SETBP1: variants seen among roughly 807,000 people sequenced by gnomAD.
The protein encoded by SETBP1 is SET-binding protein.
Under a neutral mutation model 101.0 loss-of-function variants are expected in SETBP1, and 9 were observed. The ratio of observed to expected loss-of-function variants is 0.09; its 90% CI spans 0.05 to 0.16. The LOEUF (loss-of-function observed/expected upper bound fraction) is 0.16, where lower values mean the gene tolerates loss of function less well. Ranked by LOEUF, SETBP1 falls within the 10% of genes least tolerant of loss-of-function variation. SETBP1 has a pLI of 1.00. For missense variants in SETBP1, 1,858 were observed against 2,033.8 expected (o/e 0.91, Z 1.66); for synonymous variants, 818 against 788.5 (o/e 1.04, Z -0.63).
chr18:45,029,598 T>C (rs924833285), intron 4 of SETBP1, among the ~76,000 whole-genome samples: 5 of 152,202 alleles, frequency 3.3e-5, no homozygotes, highest in African/African-American at 9.7e-5. Context: ...TAAATTACCT[T>C]GGGCAGTATG....
chr18:44,928,609 A>G (rs2144975284), intron 3 of SETBP1, among the ~76,000 whole-genome samples: 1 of 152,290 alleles, frequency 6.6e-6, no homozygotes, highest in East Asian at 1.9e-4. Context: ...CTGACTTTTT[A>G]ATGATTGCCA....
At chr18:44,937,465 A>G (rs1435702827) in intron 3 of SETBP1, among the ~76,000 whole-genome samples, 1 of 151,520 alleles carries the variant, frequency 6.6e-6, no homozygotes. Context: ...AAAAAAAAAA[A>G]AAAAAAAAAA....
intron 2 of SETBP1, among the ~76,000 whole-genome samples, chr18:44,714,120 G>A (rs909305718): frequency 1.3e-5 from 2 of 152,194 alleles, no homozygotes; most frequent in Admixed American, 6.5e-5. Flanking sequence ...TAAGCTCCCT[G>A]AGGACAGGAA....
At chr18:44,925,012 T>C (rs1816830) in intron 3 of SETBP1, among the ~76,000 whole-genome samples, 3 of 66,676 alleles carry the variant, frequency 4.5e-5, no homozygotes, top group East Asian at 5.9e-4. Flanking sequence ...TGTGAGTTTT[T>C]TTTTTTTTTT....
At chr18:44,822,793 A>G (rs2072140994) in intron 2 of SETBP1, among the ~76,000 whole-genome samples, 4 of 152,184 alleles carry the variant, frequency 2.6e-5, no homozygotes, top group Admixed American at 2.6e-4. Context: ...TCACCTCCCC[A>G]CTAGTACACA....
intron 4 of SETBP1, among the ~76,000 whole-genome samples, chr18:44,966,360 G>A (rs778617407): frequency 3.3e-5 from 5 of 152,078 alleles, no homozygotes; most frequent in East Asian, 1.9e-4. Context: ...ATCACCACAC[G>A]GCTTCTTCAT....
chr18:44,988,934 C>A (rs1002987283), intron 4 of SETBP1: 1 of 152,090 alleles, frequency 6.6e-6, no homozygotes, highest in African/African-American at 2.4e-5. Context: ...GTTTAAAATT[C>A]TCCTGGTTTG....
At chr18:44,773,175 A>G (rs1158522627) in intron 2 of SETBP1, among the ~76,000 whole-genome samples, 1 of 152,250 alleles carries the variant, frequency 6.6e-6, no homozygotes, top group African/African-American at 2.4e-5. Context: ...ATAAATGTAT[A>G]GACAGTCCAT....
intron 2 of SETBP1, among the ~76,000 whole-genome samples, chr18:44,724,655 G>A (rs2144356824): frequency 6.6e-6 from 1 of 152,300 alleles, no homozygotes; most frequent in East Asian, 1.9e-4. Flanking sequence ...GGAGTGGAGT[G>A]TCTGGGCTGG....
At chr18:44,701,915 A>G (rs1407882654) in intron 2 of SETBP1, 83 bp downstream of exon 2, 3 of 1,472,066 alleles carry the variant, frequency 2.0e-6, no homozygotes, top group Admixed American at 3.9e-5. Context: ...GTCTATTTAT[A>G]TATTATATTT....
chr18:44,851,095 C>T (rs373033367), intron 2 of SETBP1, among the ~76,000 whole-genome samples: 9 of 152,220 alleles, frequency 5.9e-5, no homozygotes, highest in African/African-American at 1.4e-4. Flanking sequence ...GCTGATGAAG[C>T]GGGGCACATA....
chr18:44,832,728 C>A (rs1262346198), intron 2 of SETBP1, among the ~76,000 whole-genome samples: 1 of 152,170 alleles, frequency 6.6e-6, no homozygotes, highest in Non-Finnish European at 1.5e-5. Flanking sequence ...CCTGGCTGGG[C>A]AGCACTGTTC....
At chr18:44,790,399 A>C (rs2071345758) in intron 2 of SETBP1, among the ~76,000 whole-genome samples, 1 of 152,238 alleles carries the variant, frequency 6.6e-6, no homozygotes, top group Admixed American at 6.5e-5. Flanking sequence ...TTGCCTGAGC[A>C]GAAGGTATTT....
intron 4 of SETBP1, among the ~76,000 whole-genome samples, chr18:44,999,878 A>C (rs2072581359): frequency 6.6e-6 from 1 of 152,270 alleles, no homozygotes; most frequent in African/African-American, 2.4e-5. Flanking sequence ...TTTACAGTCT[A>C]AGAGAGCTCG....
At chr18:44,829,847 T>A (rs1255982680) in intron 2 of SETBP1, among the ~76,000 whole-genome samples, 1 of 152,246 alleles carries the variant, frequency 6.6e-6, no homozygotes, top group Admixed American at 6.5e-5. Flanking sequence ...ATGTCTCAGA[T>A]CCTTCTACGT....
At chr18:44,702,361 A>C (rs1414886764) in intron 2 of SETBP1, among the ~76,000 whole-genome samples, 1 of 152,176 alleles carries the variant, frequency 6.6e-6, no homozygotes, top group East Asian at 1.9e-4. Context: ...ATCTGTACTT[A>C]TCTACTCGTT....
chr18:44,785,377 T>C (rs1375669566), intron 2 of SETBP1, among the ~76,000 whole-genome samples: 1 of 152,206 alleles, frequency 6.6e-6, no homozygotes, highest in African/African-American at 2.4e-5. Flanking sequence ...TTCTCTCAAT[T>C]ACCCATCATG....
chr18:45,001,246 CTCAAAGCCTGT>C lies in SETBP1; in HGVS notation c.4001-37237_4001-37227del, dbSNP rs565763917. Among the ~76,000 whole-genome samples, 18 of 152,284 alleles carry C rather than the reference CTCAAAGCCTGT, an allele frequency of 1.2e-4. No individual in the cohort carries two copies. The South Asian group carries it at 3.5e-3, about 30-fold the overall frequency. Reference sequence around the variant, plus strand: ...ACATTTTTGGTAAGTCTTGTCACCACTCAAAGCCTGTTTCCCCATCTGTAAAATGAGGGCAA... The same window carrying C: ...ACATTTTTGGTAAGTCTTGTCACCACTTCCCCATCTGTAAAATGAGGGCAA... On this transcript the variant is annotated intron_variant, in intron 4 of 5. Transcript: ENST00000649279.
At chr18:44,710,594 G>A (rs1420430499) in intron 2 of SETBP1, among the ~76,000 whole-genome samples, 1 of 151,722 alleles carries the variant, frequency 6.6e-6, no homozygotes, top group Non-Finnish European at 1.5e-5. Flanking sequence ...TGGGACTACA[G>A]GCCCATGCCA....
Sources: gnomAD v4.1 joint callset for allele counts (sites outside exome capture counted in the v4.1 genomes callset) on GRCh38, gnomAD v4.1.1 for gene constraint, MANE v1.5 for transcripts, NCBI Gene and HGNC (gene_info 2026-07-23, HGNC 2026-07-21) for gene names.